The following ULK4 variants were observed in gnomAD, a reference collection of about 807,000 sequenced individuals.
ULK4 encodes the protein unc-51 like kinase 4.
ULK4 carries 133 observed loss-of-function variants against 160.6 expected under a neutral mutation model. The ratio of observed to expected loss-of-function variants is 0.83; its 90% CI spans 0.72 to 0.96. The LOEUF (loss-of-function observed/expected upper bound fraction) is 0.96. Ranked by LOEUF, ULK4 falls within the 40% of genes least tolerant of loss-of-function variation. The pLI is 0.00. For missense variants in ULK4, 1,580 were observed against 1,499.5 expected (o/e 1.05, Z -0.89); for synonymous variants, 534 against 539.8 (o/e 0.99, Z 0.15).
chr3:41,279,141 T>C (rs919433728), intron 35 of ULK4, among the ~76,000 whole-genome samples: 1 of 151,298 alleles, frequency 6.6e-6, no homozygotes, highest in Non-Finnish European at 1.5e-5. Flanking sequence ...AAGAACTTCG[T>C]GACGCATGCA....
chr3:41,381,147 C>T (rs547805150), intron 35 of ULK4, among the ~76,000 whole-genome samples: 1 of 152,298 alleles, frequency 6.6e-6, no homozygotes, highest in South Asian at 2.1e-4. Flanking sequence ...TCAGTGTCTT[C>T]AACACCACCT....
chr3:41,912,600 G>A (rs1698828104), intron 9 of ULK4, among the ~76,000 whole-genome samples: 1 of 152,140 alleles, frequency 6.6e-6, no homozygotes, highest in African/African-American at 2.4e-5. Flanking sequence ...ATCAATGACT[G>A]AAGAATAACA....
intron 31 of ULK4, among the ~76,000 whole-genome samples, chr3:41,579,619 G>A (rs1456358586): frequency 4.0e-5 from 6 of 148,938 alleles, no homozygotes; most frequent in Admixed American, 1.4e-4. Context: ...TCAGCCTCCC[G>A]TGTAGCTGGG....
At chr3:41,419,640 A>G (rs2082613913) in intron 34 of ULK4, among the ~76,000 whole-genome samples, 1 of 152,050 alleles carries the variant, frequency 6.6e-6, no homozygotes, top group Non-Finnish European at 1.5e-5. Context: ...CTCTGCAGAA[A>G]CTCAGGACTG....
intron 23 of ULK4, among the ~76,000 whole-genome samples, chr3:41,716,251 A>G (rs964988388): frequency 6.8e-6 from 1 of 146,612 alleles, no homozygotes; most frequent in Admixed American, 6.7e-5. Context: ...AATAATAATA[A>G]TAATAAGTGA....
Position 41,587,182 on chromosome 3 carries a change from C to G in ULK4, c.3121-21052G>C, listed in dbSNP as rs73830276. Among the ~76,000 whole-genome samples the G allele has an allele frequency of 3.3e-3, 509 of 152,306 alleles. 3 individuals are homozygous for G. The highest frequency in any genetic ancestry group is 0.012 in the African/African-American group (486 of 41,574). ...CTTACTGGCTGCTGGATGAAAACCACTATCAACTCCTAAAAGCCACTCTCA... is the reference window on the plus strand; with the variant it reads ...CTTACTGGCTGCTGGATGAAAACCAGTATCAACTCCTAAAAGCCACTCTCA... On this transcript the variant is annotated intron_variant, in intron 31 of 36. Coordinates refer to ENST00000301831, the MANE Select transcript of ULK4 (RefSeq NM_017886.4).
At chr3:41,392,905 T>C (rs921179643) in intron 35 of ULK4, among the ~76,000 whole-genome samples, 4 of 152,054 alleles carry the variant, frequency 2.6e-5, no homozygotes, top group East Asian at 1.9e-4. Context: ...AGCCTGAGAG[T>C]TGGGTCTCCC....
chr3:41,303,561 A>G (rs2079840040), intron 35 of ULK4, among the ~76,000 whole-genome samples: 1 of 152,224 alleles, frequency 6.6e-6, no homozygotes, highest in African/African-American at 2.4e-5. Flanking sequence ...AATACAATCA[A>G]CTTTTGATTA....
chr3:41,536,530 T>C (rs957398807), intron 32 of ULK4, among the ~76,000 whole-genome samples: 5 of 152,212 alleles, frequency 3.3e-5, no homozygotes, highest in Non-Finnish European at 7.3e-5. Context: ...ACTGGGAATC[T>C]TACTGATAAC....
chr3:41,773,386 A>C (rs1164476720), intron 21 of ULK4, among the ~76,000 whole-genome samples: 1 of 152,212 alleles, frequency 6.6e-6, no homozygotes, highest in Non-Finnish European at 1.5e-5. Context: ...CAGGATACAA[A>C]ATCAACGTGC....
intron 34 of ULK4, among the ~76,000 whole-genome samples, chr3:41,426,542 G>C (rs1429557695): frequency 6.6e-6 from 1 of 152,052 alleles, no homozygotes; most frequent in Non-Finnish European, 1.5e-5. Context: ...CTCAGAAAAT[G>C]CAAAAGAACT....
chr3:41,505,971 G>A (rs960035826), intron 32 of ULK4, among the ~76,000 whole-genome samples: 1 of 151,600 alleles, frequency 6.6e-6, no homozygotes, highest in Non-Finnish European at 1.5e-5. Flanking sequence ...TCAAACTAAG[G>A]TAATTCCCTT....
At chr3:41,818,207 A>C (rs975322070) in intron 19 of ULK4, among the ~76,000 whole-genome samples, 2 of 152,092 alleles carry the variant, frequency 1.3e-5, no homozygotes, top group Admixed American at 1.3e-4. Flanking sequence ...GAAAACCAGT[A>C]TATCAAAGAG....
chr3:41,907,051 A>G (rs1469347714), intron 12 of ULK4, among the ~76,000 whole-genome samples: 5 of 152,194 alleles, frequency 3.3e-5, no homozygotes, highest in Non-Finnish European at 7.3e-5. Flanking sequence ...GTAACGAAAG[A>G]CCACATATTG....
intron 32 of ULK4, among the ~76,000 whole-genome samples, chr3:41,541,109 C>T (rs1448938252): frequency 6.6e-6 from 1 of 152,166 alleles, no homozygotes; most frequent in Non-Finnish European, 1.5e-5. Flanking sequence ...TTGCCCATGC[C>T]TATGTCCTGA....
At chr3:41,811,232 T>C (rs1010034221) in intron 19 of ULK4, among the ~76,000 whole-genome samples, 20 of 151,958 alleles carry the variant, frequency 1.3e-4, no homozygotes, top group African/African-American at 4.8e-4. Context: ...AGTCTCACCC[T>C]GTTACCCAGG....
intron 31 of ULK4, among the ~76,000 whole-genome samples, chr3:41,580,838 T>C (rs1456601855): frequency 6.6e-6 from 1 of 152,192 alleles, no homozygotes; most frequent in African/African-American, 2.4e-5. Flanking sequence ...AAGGCCCTTT[T>C]CTGCCCTAAC....
intron 20 of ULK4, among the ~76,000 whole-genome samples, chr3:41,792,407 T>C (rs975281372): frequency 6.7e-6 from 1 of 149,442 alleles, no homozygotes. Flanking sequence ...AATCCAAGTA[T>C]TTTTTTTAAA....
chr3:41,781,404 G>A (rs1489760533), intron 21 of ULK4, among the ~76,000 whole-genome samples: 6 of 143,808 alleles, frequency 4.2e-5, no homozygotes, highest in African/African-American at 7.9e-5. Context: ...GCAACAGAGC[G>A]AGACTCCATC....
Sources: gnomAD v4.1 joint callset for allele counts (sites outside exome capture counted in the v4.1 genomes callset) on GRCh38, gnomAD v4.1.1 for gene constraint, MANE v1.5 for transcripts, NCBI Gene and HGNC (gene_info 2026-07-23, HGNC 2026-07-21) for gene names.